HYDIN: variants seen among roughly 807,000 people sequenced by gnomAD.
HYDIN encodes the protein axonemal central pair apparatus protein HYDIN.
Under a neutral mutation model 403.9 loss-of-function variants are expected in HYDIN, and 132 were observed. The ratio of observed to expected loss-of-function variants is 0.33; its 90% CI spans 0.28 to 0.38. The LOEUF (loss-of-function observed/expected upper bound fraction) is 0.38. HYDIN is among the 10% of genes least tolerant of loss of function. HYDIN has a pLI of 1.00. For missense variants in HYDIN, 2,827 were observed against 5,009.5 expected (o/e 0.56, Z 13.15); for synonymous variants, 1,202 against 1,891.7 (o/e 0.64, Z 9.46).
At chr16:71,170,241 G>A (rs1210503331) in intron 5 of HYDIN, among the ~76,000 whole-genome samples, 2 of 152,154 alleles carry the variant, frequency 1.3e-5, no homozygotes, top group South Asian at 2.1e-4. Flanking sequence ...TGGTTTTGTT[G>A]TTGTTATTGT....
intron 44 of HYDIN, among the ~76,000 whole-genome samples, chr16:70,938,221 T>C (rs1158812077): frequency 6.6e-6 from 1 of 152,190 alleles, no homozygotes; most frequent in African/African-American, 2.4e-5. Context: ...GGACCCTGGA[T>C]CACCAGCTGT....
intron 1 of HYDIN, among the ~76,000 whole-genome samples, chr16:71,226,540 T>G (rs997102050): frequency 6.6e-6 from 1 of 152,154 alleles, no homozygotes; most frequent in Non-Finnish European, 1.5e-5. Context: ...TTTTTAGATA[T>G]CACACAAAAC....
intron 1 of HYDIN, among the ~76,000 whole-genome samples, chr16:71,227,731 C>T (rs539796264): frequency 6.0e-4 from 91 of 152,338 alleles, no homozygotes; most frequent in South Asian, 2.7e-3. Context: ...AATGGCCATA[C>T]TGCCCAAGGT....
chr16:71,032,041 T>G, intron 18 of HYDIN, 124 bp from the exon 19 acceptor site: 1 of 498,172 alleles, frequency 2.0e-6, no homozygotes, highest in Non-Finnish European at 3.6e-6. Context: ...CAAACATTAT[T>G]TTTTGAATTA....
At chr16:70,902,821 A>ATATATATTTTTTTTTTTTTTTTTTTT in intron 52 of HYDIN, among the ~76,000 whole-genome samples, 1 of 47,306 alleles carries the variant, frequency 2.1e-5, no homozygotes. Context: ...ATATATATAT[A>ATATATATTTTTTTTTTTTTTTTTTTT]TTTTTTTTTT....
chr16:70,847,142 G>A (rs950931257), intron 75 of HYDIN, among the ~76,000 whole-genome samples: 5 of 151,448 alleles, frequency 3.3e-5, no homozygotes, highest in Non-Finnish European at 5.9e-5. Flanking sequence ...TAGTCTCGAT[G>A]GTCTTTACAT....
At chr16:71,012,333 G>C (rs1170244805) in intron 23 of HYDIN, among the ~76,000 whole-genome samples, 6 of 152,246 alleles carry the variant, frequency 3.9e-5, no homozygotes, top group Non-Finnish European at 7.3e-5. Flanking sequence ...GATGTGGGAG[G>C]GGGAGAGACC....
intron 44 of HYDIN, among the ~76,000 whole-genome samples, chr16:70,938,397 A>C (rs2077562660): frequency 6.6e-6 from 1 of 152,192 alleles, no homozygotes; most frequent in African/African-American, 2.4e-5. Flanking sequence ...CGCCAGTGAG[A>C]AATAAGGAGA....
rs374822933 is a variant in HYDIN, at chr16:70,849,788, C to T, written c.12811G>A (p.Ala4271Thr). 7.3e-5 allele frequency: 62 copies of T among 847,490 alleles called. No individual in the cohort carries two copies. The highest frequency in any genetic ancestry group is 1.1e-4 in the Non-Finnish European group (59 of 534,314). 52.5% of individuals were successfully genotyped at this position (847,490 alleles called of 1,614,324 possible). Residue 4271 changes from alanine (A) to threonine (T), a missense_variant, in exon 75 of 86, where the codon GCC becomes ACC. Coordinates refer to ENST00000393567, the MANE Select transcript of HYDIN (RefSeq NM_001270974.2). ...STVDVGQSVH[A>T]TLSFQPLKKC... ...TTTAATGGTTGAAAAGACAGGGTGG[C>T]ATGTACACTCTGTCCTACATCCACA...
chr16:71,204,142 G>C (rs1282787104), intron 1 of HYDIN: 1 of 171,352 alleles, frequency 5.8e-6, no homozygotes, highest in Non-Finnish European at 1.2e-5. Flanking sequence ...TTTTCTCCAA[G>C]TGCTAACAAT....
chr16:71,073,999 A>G (rs568157747), intron 13 of HYDIN, among the ~76,000 whole-genome samples: 28 of 152,074 alleles, frequency 1.8e-4, no homozygotes, highest in African/African-American at 6.5e-4. Flanking sequence ...CAACATCATC[A>G]ATTCCAACAG....
chr16:70,879,505 T>C lies in HYDIN; in HGVS notation c.10368-19A>G, dbSNP rs370796049. ...CAGGGTGCTGTAGGGGACAGGAAGA[T>C]TGTAGCCTGTCAGCCTGGCATGGTG... On this transcript the variant is annotated intron_variant, in intron 61 of 85. Transcript: ENST00000393567. 5.6e-6 allele frequency: 9 copies of C among 1,611,420 alleles called. No individual in the cohort carries two copies. The highest frequency in any genetic ancestry group is 2.2e-5 in the South Asian group (2 of 90,728).
At chr16:71,158,078 G>T (rs960085384) in intron 6 of HYDIN, among the ~76,000 whole-genome samples, 1 of 152,038 alleles carries the variant, frequency 6.6e-6, no homozygotes, top group African/African-American at 2.4e-5. Context: ...GAATCTGGCT[G>T]AGCCAGGAGG....
rs182120937 is a variant in HYDIN, at chr16:70,938,003, C to T, written c.6995+611G>A. ...GGGATCGAGTAGTTTCTGTGTGGTT[C>T]CCAGGGAGGGGCAGAGAAAGTGGCT... On this transcript the variant is annotated intron_variant, in intron 44 of 85. Transcript: ENST00000393567. Among the ~76,000 whole-genome samples, 9 of 152,272 alleles carry T rather than the reference C, an allele frequency of 5.9e-5. 1 individual carries two copies. The highest frequency in any genetic ancestry group is 2.2e-4 in the African/African-American group (9 of 41,554).
intron 1 of HYDIN, among the ~76,000 whole-genome samples, chr16:71,220,064 G>A (rs916339016): frequency 9.2e-5 from 14 of 152,128 alleles, no homozygotes; most frequent in Non-Finnish European, 1.5e-5. Flanking sequence ...TGATGGCTAT[G>A]AACACTATCC....
Position 71,178,937 on chromosome 16 carries a change from G to A in HYDIN, c.372C>T (p.Asn124=), listed in dbSNP as rs1260303325. 6.2e-7 allele frequency: 1 copy of A among 1,611,516 alleles called. No individual in the cohort carries two copies. The part of the protein sequence containing the change: ...EVYEVPLILR[N]NDKIPRLVKV... The stretch of plus-strand genomic sequence containing the variant: ...CAGTGAACATACTCACTTTGTCATT[G>A]TTCCTCAAAATCAGTGGAACTTCAT... Residue 124 remains asparagine, a synonymous_variant, in exon 4 of 86, where the codon AAC becomes AAT. Coordinates refer to ENST00000393567, the MANE Select transcript of HYDIN (RefSeq NM_001270974.2).
rs926924819 is a variant in HYDIN, at chr16:70,908,776, T to C, written c.8090A>G (p.Asp2697Gly). Reference protein sequence around the residue: ...KIDQVFEIQKDKRHMALNRKV... With the variant: ...KIDQVFEIQKGKRHMALNRKV... ...CCTGTTTAAGGCCATGTGACGCTTGTCTTTCTGAATCTCGAAGACTTGGTC... is the reference window on the plus strand; with the variant it reads ...CCTGTTTAAGGCCATGTGACGCTTGCCTTTCTGAATCTCGAAGACTTGGTC... The change falls in exon 48 of 86, where the codon GAC becomes GGC. Residue 2697 changes from aspartate (D) to glycine (G), a missense_variant. Transcript: ENST00000393567. 1 of 1,614,128 alleles carries C rather than the reference T, an allele frequency of 6.2e-7. No homozygotes were observed.
intron 44 of HYDIN, among the ~76,000 whole-genome samples, chr16:70,937,103 A>G (rs2143864872): frequency 6.6e-6 from 1 of 152,226 alleles, no homozygotes; most frequent in South Asian, 2.1e-4. Context: ...TGCCCACTGA[A>G]GCAAACTCAT....
At position 70,920,681 on chromosome 16, in the gene HYDIN, G is replaced by C. The variant is rs770309457; in HGVS notation, c.7695C>G (p.Gly2565=). The C allele has an allele frequency of 6.2e-7, 1 of 1,612,642 alleles. No homozygotes were observed. Among genetic ancestry groups the C allele is most frequent in the African/African-American group, 1.3e-5 (1 of 74,910 alleles). Reference sequence around the variant, plus strand: ...GTGTCTGGATGTCTAGGAAGGGTACGCCCAGGTCCTTCTCCTTCTTCCCTT... The same window carrying C: ...GTGTCTGGATGTCTAGGAAGGGTACCCCCAGGTCCTTCTCCTTCTTCCCTT... ...DHEGKKEKDL[G]VPFLDIQTPD... is the part of the protein sequence containing the mutation. Residue 2565 remains glycine (G), a synonymous_variant, in exon 46 of 86, where the codon GGC becomes GGG. Coordinates refer to ENST00000393567, the MANE Select transcript of HYDIN (RefSeq NM_001270974.2).
Sources: gnomAD v4.1 joint callset for allele counts (sites outside exome capture counted in the v4.1 genomes callset) on GRCh38, gnomAD v4.1.1 for gene constraint, MANE v1.5 for transcripts, NCBI Gene and HGNC (gene_info 2026-07-23, HGNC 2026-07-21) for gene names.